Variants in IL17RA observed in about 807,000 individuals in gnomAD.
The protein encoded by IL17RA is interleukin-17 receptor A.
IL17RA carries 34 observed loss-of-function variants against 50.4 expected under a neutral mutation model. That is an observed-to-expected ratio of 0.67 (90% CI 0.51 to 0.90). The LOEUF is 0.90. Ranked by LOEUF, IL17RA falls within the 40% of genes least tolerant of loss-of-function variation. IL17RA has a pLI of 0.00. For synonymous variants in IL17RA, 585 were observed against 510.4 expected (o/e 1.15, Z -1.97); for missense variants, 1,276 against 1,169.8 (o/e 1.09, Z -1.32).
At chr22:17,091,126 C>T in intron 1 of IL17RA, among the ~76,000 whole-genome samples, 1 of 152,210 alleles carries the variant, frequency 6.6e-6, no homozygotes, top group Admixed American at 6.5e-5. Flanking sequence ...TCTTCTTCCT[C>T]AGGGGTTACT....
rs1429270259 is a variant in IL17RA, at chr22:17,085,146, C to T, written c.55C>T (p.Leu19Phe). ...TGTCCCGGGGCCCCTGCTGGGGCTG[C>T]TCCTGCTGCTCCTGGGCGTGCTGGC... The part of the protein sequence containing the change: ...SAVPGPLLGL[L>F]LLLLGVLAPG... The change falls in exon 1 of 13, where the codon CTC (leucine) becomes TTC (phenylalanine). Residue 19 changes from leucine to phenylalanine, a missense_variant. Transcript: ENST00000319363. 4.6e-6 allele frequency: 7 copies of T among 1,509,964 alleles called. No individual in the cohort carries two copies. In the South Asian group the frequency reaches 8.6e-5, roughly 19 times the overall value. 93.5% of individuals were successfully genotyped at this position (1,509,964 alleles called of 1,614,324 possible).
In IL17RA at chr22:17,091,609, C is replaced by CGG. The variant is rs1477501351; in HGVS notation, c.139-5450_139-5449dup. ...AGAAGAATGGGGGGAACCTGGGAGG[C>CGG]GGGGCTTGCAGTGAGCTGAGATCGC... On this transcript the variant is annotated intron_variant, in intron 1 of 12. Transcript: ENST00000319363. 2.6e-5 allele frequency among the ~76,000 whole-genome samples: 4 copies of CGG among 151,472 alleles called. No homozygotes were observed. In the East Asian group the frequency reaches 7.8e-4, roughly 29 times the overall value.
chr22:17,108,211 C>A, intron 12 of IL17RA, 96 bp from the exon 13 acceptor site: 1 of 1,291,382 alleles, frequency 7.7e-7, no homozygotes, highest in Non-Finnish European at 1.1e-6. Context: ...GGGAGCCAAG[C>A]TCTGTGTCCT....
intron 6 of IL17RA, 26 bp from the exon 7 acceptor site, chr22:17,102,109 ACTCC>A: frequency 6.2e-7 from 1 of 1,613,544 alleles, no homozygotes; most frequent in Non-Finnish European, 8.5e-7. Flanking sequence ...GCCCCTCCTC[ACTCC>A]CAGCCTGCGT....
Position 17,097,063 on chromosome 22 carries a change from G to A in IL17RA, c.140G>A (p.Gly47Glu), listed in dbSNP as rs1156352906. The A allele has an allele frequency of 6.2e-6, 10 of 1,613,370 alleles. No homozygotes were observed. Among genetic ancestry groups the A allele is most frequent in the South Asian group, 1.1e-5 (1 of 91,068 alleles). The change falls in exon 2 of 13, where the codon GGG (glycine) becomes GAG (glutamate). Residue 47 changes from glycine (G) to glutamate (E), a missense_variant and splice_region_variant. Gly to Glu is a moderately conservative substitution (Grantham distance 98). Coordinates refer to ENST00000319363, the MANE Select transcript of IL17RA (RefSeq NM_014339.7). ...DHRALVCSQP[G>E]LNCTVKNSTC... is the part of the protein sequence containing the mutation. ...ATAACCACCCTCTTTTTTCCACAGG[G>A]GCTAAACTGCACGGTCAAGAATAGT...
In IL17RA at chr22:17,107,578, G is replaced by C. The variant is rs949760189; in HGVS notation, c.1046-149G>C. ...AGTGGCAGACCCAGGACTCATGCCT[G>C]TGCGACCACCTAGCACGGCCTCGCT... is the stretch of plus-strand genomic sequence containing the variant. On this transcript the variant is annotated intron_variant, in intron 11 of 12. Transcript: ENST00000319363. 3 of 720,482 alleles carry C rather than the reference G, an allele frequency of 4.2e-6. No homozygotes were observed. The African/African-American group carries it at 5.2e-5, about 13-fold the overall frequency. The allele number at this position is 720,482 out of a possible 1,614,324, so 44.6% of individuals were successfully genotyped here.
chr22:17,095,954 G>A (rs1030255410), intron 1 of IL17RA, among the ~76,000 whole-genome samples: 2 of 152,188 alleles, frequency 1.3e-5, no homozygotes, highest in African/African-American at 2.4e-5. Flanking sequence ...GTCTTCTCCT[G>A]TGCTTAGCCC....
chr22:17,107,762 T>A lies in IL17RA; in HGVS notation c.1081T>A (p.Tyr361Asn). ...GSEKYSDDTK[Y>N]TDGLPAADLI... ...TGAAAAATACAGTGATGACACCAAA[T>A]ACACCGGTCAGTATTTCCTGGTTTG... The change falls in exon 12 of 13, where the codon TAC becomes AAC. Residue 361 changes from tyrosine (Y) to asparagine (N), a missense_variant. By Grantham distance (143) the Tyr-to-Asn change is moderately radical. Coordinates refer to ENST00000319363, the MANE Select transcript of IL17RA (RefSeq NM_014339.7). 6.2e-7 allele frequency: 1 copy of A among 1,613,664 alleles called. No individual in the cohort carries two copies. Among genetic ancestry groups the A allele is most frequent in the Non-Finnish European group, 8.5e-7 (1 of 1,179,524 alleles).
At chr22:17,102,393 T>C in intron 7 of IL17RA, 91 bp downstream of exon 7, 1 of 1,428,102 alleles carries the variant, frequency 7.0e-7, no homozygotes, top group South Asian at 1.1e-5. Context: ...CAGAACCGCG[T>C]TGCTAGAAGC....
intron 1 of IL17RA, 64 bp from the exon 2 acceptor site, chr22:17,096,998 C>T: frequency 1.4e-6 from 2 of 1,447,788 alleles, no homozygotes; most frequent in Non-Finnish European, 1.9e-6. Flanking sequence ...TGGAGAGCAT[C>T]TGGCCCTGGC....
intron 8 of IL17RA, 101 bp from the exon 9 acceptor site, chr22:17,104,625 G>A: frequency 1.9e-6 from 2 of 1,052,286 alleles, no homozygotes; most frequent in South Asian, 1.3e-5. Flanking sequence ...AGATCGTGGT[G>A]TAGCCAGCCA....
rs2270241 is a variant in IL17RA at position 17,085,316 on chromosome 22, G to T, written c.138+87G>T. On this transcript the variant is annotated intron_variant, in intron 1 of 12. Transcript: ENST00000319363. ...GAGGGCCGGACGGTCGGGACTACGC[G>T]CCCGGGCTGGGGAGGCAGGAAGTCC... 0.8 allele frequency: 1,209,541 copies of T among 1,512,782 alleles called. 486,803 individuals carry two copies. Among genetic ancestry groups the T allele is most frequent in the African/African-American group, 0.92 (65,131 of 71,138 alleles). The allele number at this position is 1,512,782 out of a possible 1,614,324, so 93.7% of individuals were successfully genotyped here. A position where few individuals can be genotyped will look rare whatever the true frequency, so the allele number is the denominator to read the frequency against.
rs919136617 is a variant in IL17RA at position 17,115,240 on chromosome 22, G to A, written c.*5420G>A. The A allele has an allele frequency of 2.0e-5, 3 of 152,234 alleles. No homozygotes were observed. The highest frequency in any genetic ancestry group is 4.8e-5 in the African/African-American group (2 of 41,448). The allele number at this position is 152,234 out of a possible 1,614,324, so 9.4% of individuals were successfully genotyped here. On this transcript the variant is annotated 3_prime_UTR_variant, in exon 13 of 13. Transcript: ENST00000319363. ...CGCTCCAGGGAGAAATGAAGACATG[G>A]TCCTACGTTGTTCTGTAATTATTTT...
intron 1 of IL17RA, among the ~76,000 whole-genome samples, chr22:17,086,898 G>A (rs2061330130): frequency 1.3e-5 from 2 of 152,210 alleles, no homozygotes; most frequent in Admixed American, 1.3e-4. Flanking sequence ...GCCAGAAGCG[G>A]GGATGGGACT....
At position 17,109,696 on chromosome 22, in the gene IL17RA, T is replaced by G; in HGVS notation, c.2477T>G (p.Leu826Arg). 1.3e-6 allele frequency: 2 copies of G among 1,595,352 alleles called. No individual in the cohort carries two copies. Among genetic ancestry groups the G allele is most frequent in the Admixed American group, 1.8e-5 (1 of 56,866 alleles). ...EEEQDPGKPA[L>R]PLSPEDLESL... ...GAGCAGGACCCAGGGAAGCCGGCCCTGCCACTCTCTCCCGAGGACCTGGAG... is the reference window on the plus strand; with the variant it reads ...GAGCAGGACCCAGGGAAGCCGGCCCGGCCACTCTCTCCCGAGGACCTGGAG... The change falls in exon 13 of 13, where the codon CTG becomes CGG. Residue 826 changes from leucine (L) to arginine (R), a missense_variant. Physicochemically the swap from Leu to Arg is moderately radical, Grantham distance 102. Transcript: ENST00000319363.
At chr22:17,094,247 A>G (rs1363080157) in intron 1 of IL17RA, among the ~76,000 whole-genome samples, 2 of 151,976 alleles carry the variant, frequency 1.3e-5, no homozygotes, top group East Asian at 1.9e-4. Flanking sequence ...CAGCCTCCCA[A>G]AAGTGCTGGG....
chr22:17,099,871 G>A (rs1381959513), intron 4 of IL17RA, among the ~76,000 whole-genome samples: 1 of 152,118 alleles, frequency 6.6e-6, no homozygotes, highest in Non-Finnish European at 1.5e-5. Context: ...GGTGAGTGGG[G>A]GTCTCTAGCT....
Position 17,113,577 on chromosome 22 carries a change from C to CT in IL17RA, c.*3758dup, listed in dbSNP as rs2061454252. The CT allele has an allele frequency of 6.6e-6, 1 of 152,298 alleles. No individual in the cohort carries two copies. The highest frequency in any genetic ancestry group is 6.5e-5 in the Admixed American group (1 of 15,290). The allele number at this position is 152,298 out of a possible 1,614,324, so 9.4% of individuals were successfully genotyped here. ...TACAATGCAGTGGGTGGTTTTAACT[C>CT]TATAGCCTTTGGGCTCTGTGGTTGG... On this transcript the variant is annotated 3_prime_UTR_variant, in exon 13 of 13. Coordinates refer to ENST00000319363, the MANE Select transcript of IL17RA (RefSeq NM_014339.7).
At chr22:17,108,048 C>G (rs2061421269) in intron 12 of IL17RA, among the ~76,000 whole-genome samples, 2 of 152,218 alleles carry the variant, frequency 1.3e-5, no homozygotes, top group South Asian at 4.1e-4. Flanking sequence ...TTTTTCTTTT[C>G]TTAATTAAAG....
Sources: allele counts gnomAD v4.1 joint callset (sites outside exome capture counted in the v4.1 genomes callset), GRCh38; gene constraint gnomAD v4.1.1; transcripts MANE v1.5; gene names NCBI Gene and HGNC (gene_info 2026-07-23, HGNC 2026-07-21).